The following TRDN variants were observed in gnomAD, a reference collection of about 807,000 sequenced individuals.
The protein encoded by TRDN is triadin in skeletal muscle.
In TRDN, 161 loss-of-function variants were observed where a neutral mutation model predicts 149.7. The ratio of observed to expected loss-of-function variants is 1.08; its 90% CI spans 0.95 to 1.23. TRDN has a LOEUF of 1.23. Among genes scored for constraint, TRDN ranks in the 50% most tolerant of loss-of-function variants. The pLI is 0.00. For synonymous variants in TRDN, 294 were observed against 250.5 expected (o/e 1.17, Z -1.64); for missense variants, 896 against 823.5 (o/e 1.09, Z -1.08).
intron 10 of TRDN, among the ~76,000 whole-genome samples, chr6:123,454,710 A>C (rs1775997434): frequency 6.6e-6 from 1 of 152,214 alleles, no homozygotes; most frequent in African/African-American, 2.4e-5. Flanking sequence ...CTGTCGGATC[A>C]GCAGCTGCAT....
At chr6:123,408,910 C>T (rs1456429993) in intron 12 of TRDN, among the ~76,000 whole-genome samples, 3 of 152,068 alleles carry the variant, frequency 2.0e-5, no homozygotes, top group African/African-American at 7.2e-5. Flanking sequence ...AAAAGCAGCT[C>T]AGGGTCAAAT....
chr6:123,418,060 T>C (rs1773729832), intron 12 of TRDN, among the ~76,000 whole-genome samples: 1 of 152,082 alleles, frequency 6.6e-6, no homozygotes, highest in African/African-American at 2.4e-5. Context: ...TGGGTAAGTA[T>C]AACACACAAA....
At chr6:123,420,345 T>C (rs1207777885) in intron 12 of TRDN, among the ~76,000 whole-genome samples, 2 of 151,866 alleles carry the variant, frequency 1.3e-5, no homozygotes, top group Non-Finnish European at 2.9e-5. Context: ...TTTCAAATGC[T>C]CTTTCTGGTT....
chr6:123,484,835 A>G (rs974172657), intron 9 of TRDN, among the ~76,000 whole-genome samples: 7 of 152,178 alleles, frequency 4.6e-5, no homozygotes, highest in South Asian at 2.1e-4. Context: ...GACATAGAGG[A>G]TGTAAAGTAA....
intron 20 of TRDN, among the ~76,000 whole-genome samples, chr6:123,361,484 G>T (rs766599361): frequency 2.6e-5 from 4 of 151,650 alleles, no homozygotes; most frequent in African/African-American, 4.8e-5. Context: ...AACAAAACAC[G>T]TTTTGCACAT....
intron 10 of TRDN, among the ~76,000 whole-genome samples, chr6:123,441,723 A>G (rs2114607004): frequency 6.6e-6 from 1 of 152,326 alleles, no homozygotes; most frequent in African/African-American, 2.4e-5. Flanking sequence ...AAGCCAGACA[A>G]TACACAATAT....
chr6:123,315,653 C>T (rs928920408), intron 24 of TRDN, among the ~76,000 whole-genome samples: 3 of 151,854 alleles, frequency 2.0e-5, no homozygotes, highest in African/African-American at 7.2e-5. Context: ...GATATAGATA[C>T]AACTTTCTTT....
At chr6:123,427,280 G>A (rs1443223299) in intron 12 of TRDN, among the ~76,000 whole-genome samples, 1 of 139,414 alleles carries the variant, frequency 7.2e-6, no homozygotes, top group Non-Finnish European at 1.6e-5. Context: ...CACGCCTTTT[G>A]TTTTTTTTTT....
intron 10 of TRDN, among the ~76,000 whole-genome samples, chr6:123,464,062 C>T (rs1187503211): frequency 6.6e-6 from 1 of 152,116 alleles, no homozygotes; most frequent in Admixed American, 6.5e-5. Context: ...TCCATTTGTA[C>T]TGTTGTAAAA....
In TRDN at chr6:123,330,010, C is replaced by T. The variant is rs182770324; in HGVS notation, c.1471+1869G>A. 2.0e-4 allele frequency among the ~76,000 whole-genome samples: 30 copies of T among 151,998 alleles called. 1 individual carries two copies. The East Asian group carries it at 3.3e-3, about 17-fold the overall frequency. On this transcript the variant is annotated intron_variant, in intron 23 of 40. Coordinates refer to ENST00000334268, the MANE Select transcript of TRDN (RefSeq NM_006073.4). ...CTGTCCCCATCACTAATATCTCTAACGATGAAATGGCTGGTGCTAGATCCA... is the reference window on the plus strand; with the variant it reads ...CTGTCCCCATCACTAATATCTCTAATGATGAAATGGCTGGTGCTAGATCCA...
At chr6:123,321,374 T>TA (rs771152219) in intron 23 of TRDN, among the ~76,000 whole-genome samples, 151 of 152,084 alleles carry the variant, frequency 9.9e-4, no homozygotes, top group African/African-American at 2.0e-3. Context: ...ATTTTAAAAT[T>TA]AAAAAAAACA....
intron 9 of TRDN, chr6:123,468,821 C>T (rs1265499209): frequency 6.6e-6 from 1 of 152,126 alleles, no homozygotes; most frequent in African/African-American, 2.4e-5. Flanking sequence ...CATAGACCCT[C>T]ATTGGATTTT....
intron 40 of TRDN, 104 bp from the exon 41 acceptor site, chr6:123,218,844 A>C: frequency 8.1e-7 from 1 of 1,237,326 alleles, no homozygotes; most frequent in South Asian, 1.6e-5. Flanking sequence ...TTCTGCCAGC[A>C]GCCTCCGTAG....
chr6:123,315,470 A>G (rs1778989500), intron 24 of TRDN, among the ~76,000 whole-genome samples: 1 of 151,958 alleles, frequency 6.6e-6, no homozygotes, highest in Non-Finnish European at 1.5e-5. Context: ...AATGCTCTTA[A>G]GAGAAATGAC....
intron 24 of TRDN, among the ~76,000 whole-genome samples, chr6:123,300,902 C>A (rs1290623174): frequency 6.7e-6 from 1 of 149,456 alleles, no homozygotes; most frequent in Admixed American, 6.6e-5. Context: ...GTCAGTTTCC[C>A]CTTTTAACGA....
At chr6:123,587,078 GC>G (rs942424562) in intron 1 of TRDN, among the ~76,000 whole-genome samples, 23 of 151,862 alleles carry the variant, frequency 1.5e-4, no homozygotes. Flanking sequence ...GGGGTTTCTT[GC>G]CCCCCAGAAA....
intron 12 of TRDN, among the ~76,000 whole-genome samples, chr6:123,402,656 A>G (rs1367481823): frequency 3.9e-5 from 6 of 152,194 alleles, no homozygotes; most frequent in Admixed American, 3.9e-4. Context: ...TTGAAGAGAT[A>G]AAAGTGTCCA....
intron 24 of TRDN, among the ~76,000 whole-genome samples, chr6:123,301,770 C>CACATATATATATATATATACACAT (rs763041259): frequency 1.2e-4 from 7 of 57,834 alleles, no homozygotes; most frequent in African/African-American, 2.3e-4. Context: ...TATATATATA[C>CACATATATATATATATATACACAT]ATATATATAT....
rs151029909 is a variant in TRDN at position 123,514,862 on chromosome 6, A to G, written c.550+1279T>C. On this transcript the variant is annotated intron_variant, in intron 6 of 40. Coordinates refer to ENST00000334268, the MANE Select transcript of TRDN (RefSeq NM_006073.4). ...AACCAAACACTGCATGTTCTCACTCATAAGTGGGAGTGAACAATGAGAACA... is the reference window on the plus strand; with the variant it reads ...AACCAAACACTGCATGTTCTCACTCGTAAGTGGGAGTGAACAATGAGAACA... Among the ~76,000 whole-genome samples the G allele has an allele frequency of 4.2e-3, 637 of 152,112 alleles. 4 individuals carry two copies. Among genetic ancestry groups the G allele is most frequent in the African/African-American group, 0.015 (605 of 41,494 alleles).
Sources: allele counts gnomAD v4.1 joint callset (sites outside exome capture counted in the v4.1 genomes callset), GRCh38; gene constraint gnomAD v4.1.1; transcripts MANE v1.5; gene names NCBI Gene and HGNC (gene_info 2026-07-23, HGNC 2026-07-21).